The following LRBA variants were observed in gnomAD, a reference collection of about 807,000 sequenced individuals.
The protein encoded by LRBA is LPS responsive beige-like anchor protein, also known as lipopolysaccharide-responsive and beige-like anchor protein.
Under a neutral mutation model 330.0 loss-of-function variants are expected in LRBA, and 176 were observed. That is an observed-to-expected ratio of 0.53 (90% CI 0.47 to 0.60). The LOEUF is 0.60. Among genes scored for constraint, LRBA ranks in the 20% least tolerant of loss-of-function variants. LRBA has a pLI of 0.00. For missense variants in LRBA, 3,259 were observed against 3,444.8 expected (o/e 0.95, Z 1.35); for synonymous variants, 1,230 against 1,193.0 (o/e 1.03, Z -0.64).
chr4:150,746,437 T>G (rs543484101), intron 35 of LRBA, among the ~76,000 whole-genome samples: 1 of 152,054 alleles, frequency 6.6e-6, no homozygotes, highest in South Asian at 2.1e-4. Context: ...TTCTTCATCA[T>G]CCTACAGATC....
At chr4:150,304,826 G>A (rs1351251640) in intron 52 of LRBA, among the ~76,000 whole-genome samples, 1 of 152,136 alleles carries the variant, frequency 6.6e-6, no homozygotes, top group Non-Finnish European at 1.5e-5. Context: ...CAAAAGTTAG[G>A]TAGCTGAAAG....
chr4:150,652,616 AT>A (rs1455763693), intron 37 of LRBA, among the ~76,000 whole-genome samples: 2 of 152,324 alleles, frequency 1.3e-5, no homozygotes, highest in South Asian at 4.1e-4. Flanking sequence ...CTAATAATAT[AT>A]TTTTAACAAT....
chr4:150,738,748 T>C (rs1174383385), intron 35 of LRBA, among the ~76,000 whole-genome samples: 2 of 152,124 alleles, frequency 1.3e-5, no homozygotes, highest in Non-Finnish European at 2.9e-5. Context: ...AATTATAATA[T>C]TCATACTACA....
chr4:150,701,553 C>T (rs1396597105), intron 36 of LRBA, among the ~76,000 whole-genome samples: 3 of 152,156 alleles, frequency 2.0e-5, no homozygotes, highest in Non-Finnish European at 4.4e-5. Context: ...CCATTAAAAT[C>T]TCATAGGACC....
At chr4:150,581,759 AT>A (rs1245293012) in intron 40 of LRBA, 2 of 152,774 alleles carry the variant, frequency 1.3e-5, no homozygotes, top group African/African-American at 4.8e-5. Context: ...CTGTTTCTTT[AT>A]CAAGTGCAGT....
intron 37 of LRBA, among the ~76,000 whole-genome samples, chr4:150,657,618 GT>G (rs1780338484): frequency 6.6e-6 from 1 of 151,854 alleles, no homozygotes. Flanking sequence ...TCATAGTACA[GT>G]TTCCCCAAAA....
chr4:150,746,685 T>C (rs971390734), intron 35 of LRBA, among the ~76,000 whole-genome samples: 1 of 152,034 alleles, frequency 6.6e-6, no homozygotes, highest in Non-Finnish European at 1.5e-5. Context: ...TAATTTTTTA[T>C]ATTTTTAGTA....
intron 40 of LRBA, among the ~76,000 whole-genome samples, chr4:150,540,801 AG>A (rs1302971356): frequency 6.6e-6 from 1 of 152,224 alleles, no homozygotes; most frequent in Non-Finnish European, 1.5e-5. Flanking sequence ...TCAACTTTAA[AG>A]AACATCTTGC....
intron 2 of LRBA, among the ~76,000 whole-genome samples, chr4:150,963,795 C>CAGCCT (rs1397788546): frequency 6.8e-6 from 1 of 147,476 alleles, no homozygotes. Context: ...CTCCGCCCGG[C>CAGCCT]CCCCCAGTCT....
At chr4:150,711,256 G>A (rs1161549309) in intron 36 of LRBA, among the ~76,000 whole-genome samples, 2 of 146,488 alleles carry the variant, frequency 1.4e-5, no homozygotes, top group African/African-American at 2.5e-5. Context: ...TTTTTTTTGA[G>A]AAAGAGTCTC....
intron 2 of LRBA, among the ~76,000 whole-genome samples, chr4:150,941,945 A>G (rs1735718894): frequency 6.6e-6 from 1 of 152,206 alleles, no homozygotes; most frequent in Non-Finnish European, 1.5e-5. Context: ...GTAGGTAAAG[A>G]CAGTAAAGTG....
chr4:150,973,286 G>A (rs989957313), intron 2 of LRBA, among the ~76,000 whole-genome samples: 2 of 152,130 alleles, frequency 1.3e-5, no homozygotes, highest in East Asian at 1.9e-4. Context: ...TCCTGCCTCC[G>A]CCTCCCGAGT....
chr4:150,844,653 C>G lies in LRBA; in HGVS notation c.4461+5G>C, dbSNP rs1449540969. 1 of 1,609,722 alleles carries G rather than the reference C, an allele frequency of 6.2e-7. No individual in the cohort carries two copies. The highest frequency in any genetic ancestry group is 1.7e-5 in the Admixed American group (1 of 59,346). ...TTTTGAAAATTAATTAATCTGTATACTTACCTTCGCTGCAGATTTCCCTAA... is the reference window on the plus strand; with the variant it reads ...TTTTGAAAATTAATTAATCTGTATAGTTACCTTCGCTGCAGATTTCCCTAA... On this transcript the variant is annotated splice_donor_5th_base_variant and intron_variant, in intron 27 of 56. Transcript: ENST00000651943.
chr4:150,874,871 C>A (rs1258809254), intron 17 of LRBA, among the ~76,000 whole-genome samples: 3 of 152,246 alleles, frequency 2.0e-5, no homozygotes, highest in South Asian at 2.1e-4. Flanking sequence ...GCATTAAATG[C>A]ACTTGCTTGC....
intron 20 of LRBA, among the ~76,000 whole-genome samples, chr4:150,868,965 AATACT>A (rs1254926322): frequency 6.6e-6 from 1 of 152,170 alleles, no homozygotes; most frequent in African/African-American, 2.4e-5. Context: ...TAAAATAAAA[AATACT>A]ATAATCAAAA....
At chr4:151,004,051 TGGGATTAC>T (rs1743731171) in intron 2 of LRBA, among the ~76,000 whole-genome samples, 1 of 151,922 alleles carries the variant, frequency 6.6e-6, no homozygotes, top group South Asian at 2.1e-4. Flanking sequence ...CTCCAGTAGC[TGGGATTAC>T]AGGCATACAC....
chr4:150,279,412 T>TACAA (rs1445343931), intron 55 of LRBA, among the ~76,000 whole-genome samples: 1 of 152,162 alleles, frequency 6.6e-6, no homozygotes, highest in African/African-American at 2.4e-5. Context: ...TTAAAGCCAC[T>TACAA]ACAAACACCT....
chr4:150,740,707 CT>C (rs1368937640), intron 35 of LRBA, among the ~76,000 whole-genome samples: 1 of 150,898 alleles, frequency 6.6e-6, no homozygotes, highest in Non-Finnish European at 1.5e-5. Flanking sequence ...AAGGGAAAGG[CT>C]TGTATTAAAG....
chr4:150,283,856 C>A (rs1747843668), intron 54 of LRBA, among the ~76,000 whole-genome samples: 1 of 152,208 alleles, frequency 6.6e-6, no homozygotes, highest in Non-Finnish European at 1.5e-5. Flanking sequence ...TCACATCACT[C>A]CTTTCAAAAT....
Sources: gnomAD v4.1 joint callset for allele counts (sites outside exome capture counted in the v4.1 genomes callset) on GRCh38, gnomAD v4.1.1 for gene constraint, MANE v1.5 for transcripts, NCBI Gene and HGNC (gene_info 2026-07-23, HGNC 2026-07-21) for gene names.